Variants in CHL1 observed in about 807,000 individuals in gnomAD.
CHL1 encodes the protein cell adhesion molecule L1 like.
Under a neutral mutation model 141.9 loss-of-function variants are expected in CHL1, and 96 were observed. The ratio of observed to expected loss-of-function variants is 0.68; its 90% CI spans 0.57 to 0.80. The LOEUF (loss-of-function observed/expected upper bound fraction) is 0.80. CHL1 is among the 30% of genes least tolerant of loss of function. CHL1 has a pLI of 0.00. For synonymous variants in CHL1, 613 were observed against 502.2 expected, an observed-to-expected ratio of 1.22 and a Z score of -2.95; for missense variants, 1,820 against 1,457.2, an observed-to-expected ratio of 1.25 and a Z score of -4.05.
chr3:265,786 G>A (rs977809739), intron 2 of CHL1, among the ~76,000 whole-genome samples: 1 of 152,164 alleles, frequency 6.6e-6, no homozygotes, highest in African/African-American at 2.4e-5. Flanking sequence ...GTTTTTGTAA[G>A]GTGGGAGTGG....
At chr3:228,842 A>C (rs527565079) in intron 1 of CHL1, among the ~76,000 whole-genome samples, 2 of 152,180 alleles carry the variant, frequency 1.3e-5, no homozygotes, top group Admixed American at 6.5e-5. Context: ...CTAATGGTTG[A>C]TTTAATGGTG....
chr3:261,369 G>T (rs186462219), intron 2 of CHL1, among the ~76,000 whole-genome samples: 1 of 152,018 alleles, frequency 6.6e-6, no homozygotes, highest in African/African-American at 2.4e-5. Flanking sequence ...AATAAAGGAA[G>T]GAAGGAGGGA....
intron 1 of CHL1, among the ~76,000 whole-genome samples, chr3:199,632 C>T (rs115896018): frequency 0.03 from 4,602 of 152,178 alleles, 205 homozygotes; most frequent in African/African-American, 0.11. Flanking sequence ...AAAATATAGG[C>T]ATTTCTTGGT....
rs183739051 is a variant in CHL1 at position 376,608 on chromosome 3, C to T, written c.1752-1210C>T. 3.0e-3 allele frequency among the ~76,000 whole-genome samples: 464 copies of T among 152,280 alleles called. 1 individual carries two copies. Among genetic ancestry groups the T allele is most frequent in the Non-Finnish European group, 5.7e-3 (386 of 68,030 alleles). ...CCCCGTGCCAGGGTATAAATCTTGG[C>T]AAGATTTCAGCTACTATGGGCCCTC... On this transcript the variant is annotated intron_variant, in intron 15 of 27. Coordinates refer to ENST00000256509, the MANE Select transcript of CHL1 (RefSeq NM_006614.4).
chr3:342,872 G>T, intron 7 of CHL1, 112 bp from the exon 8 acceptor site: 3 of 743,926 alleles, frequency 4.0e-6, no homozygotes, highest in Non-Finnish European at 4.4e-6. Context: ...GTGAAGCATG[G>T]TTCTACATCA....
At chr3:394,305 A>C (rs1303471788) in intron 23 of CHL1, among the ~76,000 whole-genome samples, 1 of 152,204 alleles carries the variant, frequency 6.6e-6, no homozygotes, top group East Asian at 1.9e-4. Context: ...TATAATACTT[A>C]AGTCAAAGAT....
chr3:319,536 A>T (rs1688651044), intron 2 of CHL1, 147 bp from the exon 3 acceptor site: 1 of 417,486 alleles, frequency 2.4e-6, no homozygotes, highest in Non-Finnish European at 4.2e-6. Flanking sequence ...AACTAATTTC[A>T]TTCATGCGGA....
chr3:380,212 T>C (rs1357468113), intron 16 of CHL1, among the ~76,000 whole-genome samples: 1 of 152,230 alleles, frequency 6.6e-6, no homozygotes, highest in Non-Finnish European at 1.5e-5. Flanking sequence ...ATTAACTTTT[T>C]ATTTATGGCT....
chr3:365,136 G>A (rs529468054), intron 14 of CHL1, among the ~76,000 whole-genome samples: 23 of 152,232 alleles, frequency 1.5e-4, no homozygotes, highest in African/African-American at 5.3e-4. Flanking sequence ...TATAGAATTG[G>A]AGGTCAGCTT....
intron 2 of CHL1, among the ~76,000 whole-genome samples, chr3:246,163 T>C (rs888234386): frequency 6.6e-6 from 1 of 152,084 alleles, no homozygotes; most frequent in East Asian, 1.9e-4. Flanking sequence ...TCTTCTGAGA[T>C]AGTAATGAAC....
chr3:320,242 G>A (rs1033640963), intron 3 of CHL1, among the ~76,000 whole-genome samples: 3 of 151,888 alleles, frequency 2.0e-5, no homozygotes, highest in East Asian at 1.9e-4. Context: ...AAATTATGTC[G>A]AAAAGGAATT....
At chr3:350,215 T>C (rs1217677485) in intron 10 of CHL1, among the ~76,000 whole-genome samples, 1 of 152,150 alleles carries the variant, frequency 6.6e-6, no homozygotes, top group East Asian at 1.9e-4. Context: ...CAATCAAGGT[T>C]TTATTGGTAT....
chr3:401,594 A>G, intron 26 of CHL1, 32 bp from the exon 27 acceptor site: 1 of 1,292,690 alleles, frequency 7.7e-7, no homozygotes, highest in East Asian at 2.3e-5. Flanking sequence ...TGGTCACTGT[A>G]TTACTTTTCC....
intron 5 of CHL1, among the ~76,000 whole-genome samples, chr3:329,742 T>A (rs1184968574): frequency 6.6e-6 from 1 of 152,052 alleles, no homozygotes; most frequent in Non-Finnish European, 1.5e-5. Context: ...ACAGAATTGT[T>A]GAAATGAAAA....
intron 11 of CHL1, among the ~76,000 whole-genome samples, chr3:359,894 C>G (rs1233946974): frequency 6.6e-6 from 1 of 152,116 alleles, no homozygotes; most frequent in Non-Finnish European, 1.5e-5. Flanking sequence ...CTAGGGAGAT[C>G]GTGATGTGTT....
intron 15 of CHL1, among the ~76,000 whole-genome samples, chr3:366,965 A>G (rs1207301180): frequency 1.3e-5 from 2 of 152,164 alleles, no homozygotes; most frequent in African/African-American, 4.8e-5. Context: ...CACTAGCAAA[A>G]CCTAAATCAT....
rs1016320183 is a variant in CHL1 at position 282,608 on chromosome 3, T to C, written c.-94-37075T>C. ...TGTAATTTTCAAAGAATAGTTTTGCTGTGTATAGAATTCTTGGTTGACTGT... is the reference window on the plus strand; with the variant it reads ...TGTAATTTTCAAAGAATAGTTTTGCCGTGTATAGAATTCTTGGTTGACTGT... On this transcript the variant is annotated intron_variant, in intron 2 of 27. Coordinates refer to ENST00000256509, the MANE Select transcript of CHL1 (RefSeq NM_006614.4). The C allele has an allele frequency of 3.9e-5, 6 of 152,228 alleles. No individual in the cohort carries two copies. The East Asian group carries it at 9.6e-4, about 24-fold the overall frequency. 9.4% of individuals were successfully genotyped at this position (152,228 alleles called of 1,614,324 possible).
chr3:266,531 G>C (rs570720292), intron 2 of CHL1, among the ~76,000 whole-genome samples: 1 of 152,236 alleles, frequency 6.6e-6, no homozygotes, highest in Non-Finnish European at 1.5e-5. Context: ...TTGCTCTGCG[G>C]CTGCTCTTTC....
chr3:338,115 C>T (rs560637697), intron 5 of CHL1, among the ~76,000 whole-genome samples: 4 of 152,246 alleles, frequency 2.6e-5, no homozygotes, highest in South Asian at 2.1e-4. Context: ...CCGCCCACCT[C>T]GGCCTCCCAA....
Sources: gnomAD v4.1 joint callset for allele counts (sites outside exome capture counted in the v4.1 genomes callset) on GRCh38, gnomAD v4.1.1 for gene constraint, MANE v1.5 for transcripts, NCBI Gene and HGNC (gene_info 2026-07-23, HGNC 2026-07-21) for gene names.